CD72: variants seen among roughly 807,000 people sequenced by gnomAD.
CD72 encodes CD72 molecule.
CD72 carries 28 observed loss-of-function variants against 50.7 expected under a neutral mutation model. The observed-to-expected ratio is 0.55, with a 90% CI of 0.41 to 0.76. The LOEUF is 0.76. CD72 is among the 30% of genes least tolerant of loss of function. The pLI, the probability that CD72 is intolerant of heterozygous loss-of-function variation, is 0.00. For missense variants in CD72, 403 were observed against 420.6 expected, an observed-to-expected ratio of 0.96 and a Z score of 0.37; for synonymous variants, 176 against 171.2, an observed-to-expected ratio of 1.03 and a Z score of -0.22.
chr9:35,619,229 C>A (rs990603628), upstream of CD72, among the ~76,000 whole-genome samples: 6 of 152,164 alleles, frequency 3.9e-5, no homozygotes, highest in African/African-American at 1.4e-4. Context: ...CCGCGAGGCC[C>A]TCATAGGTGG....
Position 35,640,132 on chromosome 9 carries a change from C to T in CD72, n.408+6271G>A, listed in dbSNP as rs530385503. 3.3e-5 allele frequency among the ~76,000 whole-genome samples: 5 copies of T among 152,314 alleles called. No homozygotes were observed. The South Asian group carries it at 1.0e-3, about 32-fold the overall frequency. ...TTCTGTTTCAACCAAAATTGGTGTA[C>T]TAAAAGCCATTTCTGGCACTGACCA... On this transcript the variant is annotated intron_variant and non_coding_transcript_variant, in intron 1 of 3. Transcript: ENST00000465754.
At chr9:35,624,943 T>A (rs528656858) in intron 1 of CD72, among the ~76,000 whole-genome samples, 2 of 152,324 alleles carry the variant, frequency 1.3e-5, no homozygotes, top group African/African-American at 4.8e-5. Context: ...ACTGCTCCAC[T>A]GACTGGCTAT....
intron 1 of CD72, among the ~76,000 whole-genome samples, chr9:35,645,216 A>C (rs866487560): frequency 6.7e-6 from 1 of 149,204 alleles, no homozygotes; most frequent in African/African-American, 2.4e-5. Context: ...AAAAAAAAAA[A>C]GGAATTCATT....
upstream of CD72, among the ~76,000 whole-genome samples, chr9:35,621,581 T>C (rs868643256): frequency 1.3e-4 from 20 of 152,242 alleles, no homozygotes; most frequent in African/African-American, 4.8e-4. Flanking sequence ...TATGTCACTT[T>C]ACCTGACAAA....
upstream of CD72, among the ~76,000 whole-genome samples, chr9:35,619,837 A>C (rs1823128010): frequency 6.6e-6 from 1 of 152,258 alleles, no homozygotes; most frequent in Non-Finnish European, 1.5e-5. Flanking sequence ...CATTTTCAGA[A>C]AAGTCGTCAA....
chr9:35,620,028 A>G, upstream of CD72, among the ~76,000 whole-genome samples: 1 of 61,608 alleles, frequency 1.6e-5, no homozygotes, highest in South Asian at 6.1e-4. Flanking sequence ...CCTGAGAGTG[A>G]GTGGGAGGGT....
chr9:35,620,897 T>C (rs1823142442), upstream of CD72, among the ~76,000 whole-genome samples: 1 of 152,148 alleles, frequency 6.6e-6, no homozygotes, highest in African/African-American at 2.4e-5. Flanking sequence ...TAACCAGGCT[T>C]GTTCTATATT....
At chr9:35,645,892 G>C (rs534851115) in intron 1 of CD72, among the ~76,000 whole-genome samples, 1 of 151,848 alleles carries the variant, frequency 6.6e-6, no homozygotes, top group African/African-American at 2.4e-5. Context: ...AGGCTCGGTG[G>C]CTCAAGCCTG....
chr9:35,645,001 A>C (rs1823375126), intron 1 of CD72, among the ~76,000 whole-genome samples: 1 of 151,384 alleles, frequency 6.6e-6, no homozygotes, highest in Non-Finnish European at 1.5e-5. Context: ...TGGGAGTTCC[A>C]GACCAGTCTG....
chr9:35,630,039 T>TG (rs1326575986), intron 1 of CD72, among the ~76,000 whole-genome samples: 3 of 149,022 alleles, frequency 2.0e-5, no homozygotes, highest in Non-Finnish European at 4.5e-5. Context: ...TTCTTTTCTT[T>TG]TTTTTTTTTT....
chr9:35,643,848 C>T lies in CD72; in HGVS notation n.408+2555G>A, dbSNP rs143120305. Among the ~76,000 whole-genome samples, 832 of 151,922 alleles carry T rather than the reference C, an allele frequency of 5.5e-3. 9 individuals carry two copies. Among genetic ancestry groups the T allele is most frequent in the African/African-American group, 0.019 (786 of 41,440 alleles). On this transcript the variant is annotated intron_variant and non_coding_transcript_variant, in intron 1 of 3. Transcript: ENST00000465754. ...CAAAAATTAGCCGGGCGTATTGGCACGCCCCAATAATCCCAGCTACTCCAG... is the reference window on the plus strand; with the variant it reads ...CAAAAATTAGCCGGGCGTATTGGCATGCCCCAATAATCCCAGCTACTCCAG...
rs749559975 is a variant in CD72, at chr9:35,612,878, C to A, written c.804G>T (p.Leu268=). The change falls in exon 6 of 9, where the codon CTG becomes CTT. Residue 268 remains leucine (L), a synonymous_variant. Transcript: ENST00000259633. ...GTGGATAAATTTCACTGAATGTGGC[C>A]AGCTTGGAAGACAGAGTTTCACATT... is the stretch of plus-strand genomic sequence containing the variant. The part of the protein sequence containing the change: ...QKQCETLSSK[L]ATFSEIYPQS... 1 of 1,614,140 alleles carries A rather than the reference C, an allele frequency of 6.2e-7. No homozygotes were observed. The highest frequency in any genetic ancestry group is 1.1e-5 in the South Asian group (1 of 91,072).
chr9:35,635,203 G>A (rs1477651299), intron 1 of CD72, among the ~76,000 whole-genome samples: 1 of 152,156 alleles, frequency 6.6e-6, no homozygotes, highest in African/African-American at 2.4e-5. Flanking sequence ...GTAGCTGAGT[G>A]TGTGTCTTTT....
chr9:35,637,961 A>C, intron 1 of CD72, among the ~76,000 whole-genome samples: 1 of 149,526 alleles, frequency 6.7e-6, no homozygotes, highest in South Asian at 2.1e-4. Flanking sequence ...GTTCTTGAAA[A>C]CCCCTTCAAC....
upstream of CD72, among the ~76,000 whole-genome samples, chr9:35,622,613 C>T (rs984218991): frequency 3.3e-5 from 5 of 151,756 alleles, no homozygotes; most frequent in African/African-American, 1.2e-4. Flanking sequence ...ATGGTGAAAC[C>T]CCGTCTCTAC....
chr9:35,633,521 CA>C lies in CD72; in HGVS notation n.408+12881del, dbSNP rs1823265121. ...GTATTTTCATTCTTTTTTTAAAAACCAGTTTTATTGCATTGTAATTTATATA... is the reference window on the plus strand; with the variant it reads ...GTATTTTCATTCTTTTTTTAAAAACCGTTTTATTGCATTGTAATTTATATA... On this transcript the variant is annotated intron_variant and non_coding_transcript_variant, in intron 1 of 3. Coordinates refer to the CD72 transcript ENST00000465754. Among the ~76,000 whole-genome samples, 4 of 151,736 alleles carry C rather than the reference CA, an allele frequency of 2.6e-5. No homozygotes were observed. In the South Asian group the frequency reaches 8.3e-4, roughly 32 times the overall value.
intron 1 of CD72, among the ~76,000 whole-genome samples, chr9:35,641,803 T>C (rs1823342967): frequency 6.6e-6 from 1 of 152,166 alleles, no homozygotes. Flanking sequence ...ACCCCGGCAG[T>C]GTAAGACTGT....
At chr9:35,620,662 C>T (rs931071015), upstream of CD72, among the ~76,000 whole-genome samples, 26 of 151,952 alleles carry the variant, frequency 1.7e-4, no homozygotes, top group African/African-American at 6.3e-4. Flanking sequence ...GAAATCCCAT[C>T]TGTATTAAAA....
At chr9:35,622,792 A>AATAAT (rs1554649025), upstream of CD72, among the ~76,000 whole-genome samples, 3 of 150,838 alleles carry the variant, frequency 2.0e-5, no homozygotes, top group Non-Finnish European at 4.4e-5. Context: ...GTCTCAAAAA[A>AATAAT]AATAATAATA....
Sources: gnomAD v4.1 joint callset for allele counts (sites outside exome capture counted in the v4.1 genomes callset) on GRCh38, gnomAD v4.1.1 for gene constraint, MANE v1.5 for transcripts, NCBI Gene and HGNC (gene_info 2026-07-23, HGNC 2026-07-21) for gene names.